The following EIF4H variants were observed in gnomAD, a reference collection of about 807,000 sequenced individuals.
EIF4H encodes eukaryotic translation initiation factor 4H.
In EIF4H, 8 loss-of-function variants were observed where a neutral mutation model predicts 30.6. That is an observed-to-expected ratio of 0.26 (90% CI 0.15 to 0.47). EIF4H has a LOEUF of 0.47. Among genes scored for constraint, EIF4H ranks in the 20% least tolerant of loss-of-function variants. The probability of loss-of-function intolerance (pLI) is 0.99; values close to 1 mark genes in which losing one functional copy is unlikely to be tolerated. For missense variants in EIF4H, 188 were observed against 339.5 expected, an observed-to-expected ratio of 0.55 and a Z score of 3.51; for synonymous variants, 106 against 122.7, an observed-to-expected ratio of 0.86 and a Z score of 0.90.
At chr7:74,188,231 G>A (rs556856304) in intron 2 of EIF4H, among the ~76,000 whole-genome samples, 1 of 152,364 alleles carries the variant, frequency 6.6e-6, no homozygotes, top group South Asian at 2.1e-4. Context: ...AGCCAGTGCT[G>A]TCAGTATGCA....
intron 1 of EIF4H, among the ~76,000 whole-genome samples, chr7:74,182,935 T>G (rs1422704789): frequency 6.6e-6 from 1 of 152,174 alleles, no homozygotes; most frequent in Non-Finnish European, 1.5e-5. Context: ...TCCCAACTGC[T>G]CCACCCTGGT....
At chr7:74,175,985 G>A (rs1317391841) in intron 1 of EIF4H, among the ~76,000 whole-genome samples, 1 of 152,126 alleles carries the variant, frequency 6.6e-6, no homozygotes, top group Non-Finnish European at 1.5e-5. Flanking sequence ...AATCTCCACA[G>A]CAGATGAAAA....
rs1800788051 is a variant in EIF4H at position 74,174,436 on chromosome 7, G to C, written c.53G>C (p.Gly18Ala). The C allele has an allele frequency of 1.4e-6, 2 of 1,443,346 alleles. No individual in the cohort carries two copies. Among genetic ancestry groups the C allele is most frequent in the African/African-American group, 2.9e-5 (2 of 68,444 alleles). 89.4% of individuals were successfully genotyped at this position (1,443,346 alleles called of 1,614,324 possible). The change falls in exon 1 of 7, where the codon GGC (glycine) becomes GCC (alanine). Residue 18 changes from glycine (G) to alanine (A), a missense_variant. By Grantham distance (60) the Gly-to-Ala change is moderately conservative. Transcript: ENST00000265753. ...DDRAYSSFGG[G>A]RGSRGSAGGH... ...CGGGCCTACAGCAGCTTCGGCGGCG[G>C]CAGAGGGTGAGGCGGGCGTGCGCGG...
At position 74,189,656 on chromosome 7, in the gene EIF4H, C is replaced by G. The variant is rs1343284615; in HGVS notation, c.248-17C>G. ...CAGAATTACTTGAGGAAATCGGGGT[C>G]TTCTTTTCTTTTCCAGGATTCTGCT... is the stretch of plus-strand genomic sequence containing the variant. On this transcript the variant is annotated splice_polypyrimidine_tract_variant and intron_variant, in intron 2 of 6. Transcript: ENST00000265753. 1 of 1,612,416 alleles carries G rather than the reference C, an allele frequency of 6.2e-7. No individual in the cohort carries two copies. Among genetic ancestry groups the G allele is most frequent in the Non-Finnish European group, 8.5e-7 (1 of 1,179,768 alleles).
chr7:74,174,882 C>T (rs1267209927), intron 1 of EIF4H, among the ~76,000 whole-genome samples: 1 of 152,254 alleles, frequency 6.6e-6, no homozygotes, highest in African/African-American at 2.4e-5. Flanking sequence ...TTGCAGGCCC[C>T]TGGCCCCTTC....
intron 1 of EIF4H, among the ~76,000 whole-genome samples, chr7:74,181,544 G>A (rs1800963002): frequency 6.6e-6 from 1 of 152,068 alleles, no homozygotes; most frequent in South Asian, 2.1e-4. Context: ...CGATTCTCCT[G>A]CCTCAGCCTC....
At chr7:74,191,137 C>T (rs1457171563) in intron 5 of EIF4H, 2 of 530,000 alleles carry the variant, frequency 3.8e-6, no homozygotes, top group Non-Finnish European at 7.7e-6. Flanking sequence ...TTTTTAAAAA[C>T]TCAGCTTTGG....
intron 1 of EIF4H, among the ~76,000 whole-genome samples, chr7:74,179,186 T>C (rs895285929): frequency 2.6e-5 from 4 of 152,208 alleles, no homozygotes; most frequent in Non-Finnish European, 4.4e-5. Context: ...CTTGCACAGA[T>C]AAATAGTTGG....
intron 1 of EIF4H, among the ~76,000 whole-genome samples, chr7:74,185,295 A>G (rs1801057371): frequency 6.6e-6 from 1 of 152,222 alleles, no homozygotes; most frequent in African/African-American, 2.4e-5. Context: ...GCCCGGCTTT[A>G]TACTGTAACT....
intron 1 of EIF4H, among the ~76,000 whole-genome samples, chr7:74,183,221 T>C (rs1554708736): frequency 6.6e-6 from 1 of 152,202 alleles, no homozygotes; most frequent in Non-Finnish European, 1.5e-5. Flanking sequence ...TCTTTCATAA[T>C]CAATAGACTG....
At chr7:74,195,115 G>T (rs1584189778) in intron 6 of EIF4H, 54 bp from the exon 7 acceptor site, 1 of 1,594,354 alleles carries the variant, frequency 6.3e-7, no homozygotes, top group East Asian at 2.3e-5. Flanking sequence ...TGGTCGTTTT[G>T]CTGGATATGG....
chr7:74,175,976 A>G (rs566483346), intron 1 of EIF4H, among the ~76,000 whole-genome samples: 10 of 152,272 alleles, frequency 6.6e-5, no homozygotes, highest in Non-Finnish European at 8.8e-5. Context: ...TTAATTTCAA[A>G]TCTCCACAGC....
At chr7:74,181,600 T>C (rs1554708410) in intron 1 of EIF4H, among the ~76,000 whole-genome samples, 1 of 151,666 alleles carries the variant, frequency 6.6e-6, no homozygotes, top group Non-Finnish European at 1.5e-5. Flanking sequence ...CCTGGCAAAT[T>C]TTGTATTTTT....
intron 6 of EIF4H, 38 bp from the exon 7 acceptor site, chr7:74,195,131 G>A: frequency 6.2e-7 from 1 of 1,610,246 alleles, no homozygotes; most frequent in Non-Finnish European, 8.5e-7. Context: ...TATGGAATGG[G>A]ATCCACACTC....
At chr7:74,189,008 G>A (rs1257701094) in intron 2 of EIF4H, among the ~76,000 whole-genome samples, 1 of 152,090 alleles carries the variant, frequency 6.6e-6, no homozygotes, top group Non-Finnish European at 1.5e-5. Context: ...ATTATACACA[G>A]GGCAAGGACG....
chr7:74,176,133 C>T (rs1800833167), intron 1 of EIF4H, among the ~76,000 whole-genome samples: 2 of 152,050 alleles, frequency 1.3e-5, no homozygotes, highest in Non-Finnish European at 2.9e-5. Flanking sequence ...TTGGAATTTT[C>T]TATTTGGCTT....
At chr7:74,191,025 CT>C (rs1391995487) in intron 5 of EIF4H, among the ~76,000 whole-genome samples, 1 of 152,130 alleles carries the variant, frequency 6.6e-6, no homozygotes, top group African/African-American at 2.4e-5. Flanking sequence ...CAATGCTGTG[CT>C]GTATAGAACG....
At chr7:74,180,353 A>G (rs956992972) in intron 1 of EIF4H, among the ~76,000 whole-genome samples, 9 of 152,362 alleles carry the variant, frequency 5.9e-5, no homozygotes, top group Admixed American at 2.0e-4. Context: ...TGCAGCAGCC[A>G]TCATGCTTGT....
At chr7:74,191,101 G>A in intron 5 of EIF4H, 1 of 513,076 alleles carries the variant, frequency 1.9e-6, no homozygotes. Flanking sequence ...GGAGGGACTG[G>A]TGCACGCTGT....
Sources: gnomAD v4.1 joint callset for allele counts (sites outside exome capture counted in the v4.1 genomes callset) on GRCh38, gnomAD v4.1.1 for gene constraint, MANE v1.5 for transcripts, NCBI Gene and HGNC (gene_info 2026-07-23, HGNC 2026-07-21) for gene names.